Variants in ANKFN1 observed in about 807,000 individuals in gnomAD.
ANKFN1 encodes the protein ankyrin repeat and fibronectin type-III domain-containing protein 1.
ANKFN1 carries 74 observed loss-of-function variants against 108.7 expected under a neutral mutation model. The ratio of observed to expected loss-of-function variants is 0.68; its 90% CI spans 0.56 to 0.83. ANKFN1 has a LOEUF of 0.83. Among genes scored for constraint, ANKFN1 ranks in the 40% least tolerant of loss-of-function variants. The pLI is 0.00. For missense variants in ANKFN1, 1,505 were observed against 1,382.3 expected, an observed-to-expected ratio of 1.09 and a Z score of -1.41; for synonymous variants, 547 against 516.2, an observed-to-expected ratio of 1.06 and a Z score of -0.81.
intron 2 of ANKFN1, among the ~76,000 whole-genome samples, chr17:56,216,539 A>C (rs1344857683): frequency 6.6e-6 from 1 of 152,232 alleles, no homozygotes; most frequent in African/African-American, 2.4e-5. Context: ...CTGCCTTTTT[A>C]TTCTAACAGG....
chr17:56,237,294 T>C (rs1256362837), intron 3 of ANKFN1, among the ~76,000 whole-genome samples: 1 of 152,160 alleles, frequency 6.6e-6, no homozygotes, highest in African/African-American at 2.4e-5. Context: ...GGGGAAGAAT[T>C]AGTTCCCTCT....
intron 1 of ANKFN1, among the ~76,000 whole-genome samples, chr17:56,202,901 C>T (rs1598229235): frequency 6.6e-6 from 1 of 152,152 alleles, no homozygotes; most frequent in Non-Finnish European, 1.5e-5. Context: ...AAAATACATA[C>T]ACATGCATAC....
At chr17:56,324,888 T>A (rs2045472365) in intron 3 of ANKFN1, among the ~76,000 whole-genome samples, 1 of 152,246 alleles carries the variant, frequency 6.6e-6, no homozygotes. Flanking sequence ...CACTGAGCCC[T>A]GCCTCAGATC....
chr17:56,184,132 G>C (rs1031531603), intron 1 of ANKFN1, among the ~76,000 whole-genome samples: 3 of 152,170 alleles, frequency 2.0e-5, no homozygotes, highest in African/African-American at 7.2e-5. Context: ...TTTGAAAGAA[G>C]TTCTGCTGTG....
chr17:56,306,827 A>G (rs1214802023), intron 3 of ANKFN1, among the ~76,000 whole-genome samples: 10 of 152,148 alleles, frequency 6.6e-5, no homozygotes, highest in Non-Finnish European at 1.5e-4. Context: ...ACTTCAAACT[A>G]TACTACAAGG....
chr17:56,104,312 A>G (rs1173106718), intron 4 of ANKFN1, among the ~76,000 whole-genome samples: 1 of 152,220 alleles, frequency 6.6e-6, no homozygotes, highest in Non-Finnish European at 1.5e-5. Context: ...TTTTTAAATA[A>G]TGGCTTTAGA....
rs115919525 is a variant in ANKFN1, at chr17:56,468,629, G to A, written c.1773+2058G>A. 1.9e-3 allele frequency among the ~76,000 whole-genome samples: 289 copies of A among 152,102 alleles called. 4 individuals carry two copies. Among genetic ancestry groups the A allele is most frequent in the East Asian group, 0.01 (54 of 5,172 alleles). ...GGAGCCATCTGTGGTCACCCTAAAC[G>A]GCTAACTTACTTTCTAAGTTACTTT... On this transcript the variant is annotated intron_variant, in intron 15 of 20. Coordinates refer to ENST00000682825, the MANE Select transcript of ANKFN1 (RefSeq NM_001370326.1).
chr17:56,240,552 G>A (rs949991775), intron 3 of ANKFN1, among the ~76,000 whole-genome samples: 9 of 152,226 alleles, frequency 5.9e-5, no homozygotes, highest in African/African-American at 2.2e-4. Context: ...ATACCAAGAT[G>A]TAAACTTATT....
Position 56,510,907 on chromosome 17 carries a change from C to G in ANKFN1, c.3079C>G (p.Leu1027Val). The G allele has an allele frequency of 6.5e-7, 1 of 1,536,186 alleles. No individual in the cohort carries two copies. The highest frequency in any genetic ancestry group is 1.2e-5 in the South Asian group (1 of 84,068). The change falls in exon 21 of 21, where the codon CTA (leucine) becomes GTA (valine). Residue 1027 changes from leucine to valine, a missense_variant. Coordinates refer to ENST00000682825, the MANE Select transcript of ANKFN1 (RefSeq NM_001370326.1). Reference sequence around the variant, plus strand: ...GCGCATCCACAGCGAGACCCAGTCGCTATCGCTCTCTGAGGGCATTTATAC... The same window carrying G: ...GCGCATCCACAGCGAGACCCAGTCGGTATCGCTCTCTGAGGGCATTTATAC... ...WLRIHSETQSLSLSEGIYTQH... is the reference protein window; with the variant it reads ...WLRIHSETQSVSLSEGIYTQH...
chr17:56,263,985 AAGG>A (rs1038605941), intron 3 of ANKFN1, among the ~76,000 whole-genome samples: 3 of 152,184 alleles, frequency 2.0e-5, no homozygotes, highest in Admixed American at 6.5e-5. Context: ...AGAGCAAAGA[AAGG>A]AGGAGAGAAA....
intron 3 of ANKFN1, among the ~76,000 whole-genome samples, chr17:56,300,269 C>T (rs544964892): frequency 1.3e-5 from 2 of 152,250 alleles, no homozygotes; most frequent in South Asian, 4.1e-4. Flanking sequence ...ACAGAGGTTC[C>T]AATCACACAG....
At chr17:56,492,731 A>G (rs1218076436) in intron 19 of ANKFN1, among the ~76,000 whole-genome samples, 1 of 152,162 alleles carries the variant, frequency 6.6e-6, no homozygotes, top group African/African-American at 2.4e-5. Flanking sequence ...TCAGAGAAAA[A>G]GAAAATAAAA....
At chr17:56,140,588 T>A (rs901421471) in intron 4 of ANKFN1, among the ~76,000 whole-genome samples, 2 of 152,194 alleles carry the variant, frequency 1.3e-5, no homozygotes, top group Non-Finnish European at 2.9e-5. Flanking sequence ...TGCCACCTAG[T>A]AGCTGGATGA....
intron 1 of ANKFN1, among the ~76,000 whole-genome samples, chr17:56,160,708 G>C (rs554282000): frequency 1.2e-3 from 182 of 152,326 alleles, no homozygotes; most frequent in African/African-American, 4.0e-3. Flanking sequence ...CCAAGTAATG[G>C]TAAGTATGAA....
At chr17:56,465,298 A>G (rs1406987655) in intron 14 of ANKFN1, among the ~76,000 whole-genome samples, 1 of 152,248 alleles carries the variant, frequency 6.6e-6, no homozygotes, top group Non-Finnish European at 1.5e-5. Flanking sequence ...AAAATTATTT[A>G]TGAAATTCCT....
chr17:56,347,510 C>T (rs1547966), intron 4 of ANKFN1, among the ~76,000 whole-genome samples: 120,471 of 151,938 alleles, frequency 0.79, 48,085 homozygotes, highest in East Asian at 0.96. Flanking sequence ...TCTACCAAAT[C>T]CCAAAACTAA....
chr17:56,275,149 G>A (rs2043893009), intron 3 of ANKFN1, among the ~76,000 whole-genome samples: 1 of 152,060 alleles, frequency 6.6e-6, no homozygotes, highest in Non-Finnish European at 1.5e-5. Flanking sequence ...TCAGGAAACG[G>A]TTGCTTCCAA....
rs1288115439 is a variant in ANKFN1, at chr17:56,477,611, A to G, written c.1897A>G (p.Ile633Val). ...KVLVTQKLPNILCHVKIRENN... is the reference protein window; with the variant it reads ...KVLVTQKLPNVLCHVKIRENN... ...TCTTGTTACCCAAAAGTTGCCCAAC[A>G]TTCTCTGCCACGTGAAGATCCGTGA... Residue 633 changes from isoleucine (I) to valine (V), a missense_variant, in exon 16 of 21, where the codon ATT becomes GTT. Transcript: ENST00000682825. 1 of 1,613,790 alleles carries G rather than the reference A, an allele frequency of 6.2e-7. No individual in the cohort carries two copies. The highest frequency in any genetic ancestry group is 1.3e-5 in the African/African-American group (1 of 74,862).
chr17:56,239,657 A>C (rs1404954536), intron 3 of ANKFN1, among the ~76,000 whole-genome samples: 1 of 152,190 alleles, frequency 6.6e-6, no homozygotes, highest in Admixed American at 6.6e-5. Flanking sequence ...CATATGTCCC[A>C]AAATGGCAGC....
Sources: gnomAD v4.1 joint callset for allele counts (sites outside exome capture counted in the v4.1 genomes callset) on GRCh38, gnomAD v4.1.1 for gene constraint, MANE v1.5 for transcripts, NCBI Gene and HGNC (gene_info 2026-07-23, HGNC 2026-07-21) for gene names.